The following NCAPG2 variants were observed in gnomAD, a reference collection of about 807,000 sequenced individuals.
The protein encoded by NCAPG2 is non-SMC condensin II complex subunit G2.
Under a neutral mutation model 141.1 loss-of-function variants are expected in NCAPG2, and 53 were observed. The ratio of observed to expected loss-of-function variants is 0.38; its 90% CI spans 0.30 to 0.47. NCAPG2 has a LOEUF of 0.47. NCAPG2 is among the 20% of genes least tolerant of loss of function. NCAPG2 has a pLI of 0.99. For synonymous variants in NCAPG2, 499 were observed against 490.7 expected, an observed-to-expected ratio of 1.02 and a Z score of -0.22; for missense variants, 1,087 against 1,389.0, an observed-to-expected ratio of 0.78 and a Z score of 3.46.
chr7:158,663,385 G>A (rs1436439697), intron 15 of NCAPG2, among the ~76,000 whole-genome samples: 1 of 152,234 alleles, frequency 6.6e-6, no homozygotes, highest in African/African-American at 2.4e-5. Flanking sequence ...TCTATTTCCT[G>A]TATGTTTTTG....
rs1831663873 is a variant in NCAPG2, at chr7:158,653,582, GAT to G, written c.2746+1011_2746+1012del. On this transcript the variant is annotated intron_variant, in intron 22 of 27. Coordinates refer to ENST00000356309, the MANE Select transcript of NCAPG2 (RefSeq NM_017760.7). Reference sequence around the variant, plus strand: ...CTTCAGTTGCAACGTCATGAAGACAGATACACTGGGGGTGTCCACACACACAG... The same window carrying G: ...CTTCAGTTGCAACGTCATGAAGACAGACACTGGGGGTGTCCACACACACAG... Among the ~76,000 whole-genome samples the G allele has an allele frequency of 2.0e-5, 3 of 152,266 alleles. No homozygotes were observed. The South Asian group carries it at 6.2e-4, about 32-fold the overall frequency.
In NCAPG2 at chr7:158,675,531, A is replaced by G. The variant is rs773705324; in HGVS notation, c.1272T>C (p.Thr424=). The change falls in exon 12 of 28, where the codon ACT becomes ACC. Residue 424 remains threonine (T), a synonymous_variant. Transcript: ENST00000356309. The stretch of plus-strand genomic sequence containing the variant: ...AGCTCGTGTCAAATGCCAGTTCCCC[A>G]GTCACCTTCTTCAGGAGGTCAATAA... ...TILIDLLKKV[T]GELAFDTSSA... is the part of the protein sequence containing the mutation. 1.2e-6 allele frequency: 2 copies of G among 1,613,196 alleles called. No homozygotes were observed. Among genetic ancestry groups the G allele is most frequent in the Non-Finnish European group, 1.7e-6 (2 of 1,179,844 alleles).
intron 21 of NCAPG2, 91 bp from the exon 22 acceptor site, chr7:158,654,785 G>A: frequency 6.7e-7 from 1 of 1,489,636 alleles, no homozygotes; most frequent in Non-Finnish European, 8.9e-7. Flanking sequence ...CCATGTGCTA[G>A]TTATCTTATA....
At chr7:158,658,021 G>GC (rs1832145161) in intron 17 of NCAPG2, among the ~76,000 whole-genome samples, 1 of 151,940 alleles carries the variant, frequency 6.6e-6, no homozygotes, top group African/African-American at 2.4e-5. Context: ...GCTGCGGAAG[G>GC]CCGCAGGGTC....
At chr7:158,685,766 G>A (rs950207301) in intron 8 of NCAPG2, among the ~76,000 whole-genome samples, 1 of 152,102 alleles carries the variant, frequency 6.6e-6, no homozygotes, top group Non-Finnish European at 1.5e-5. Flanking sequence ...ACCACATTTC[G>A]CCTAATACAT....
Position 158,655,109 on chromosome 7 carries a change from A to T in NCAPG2, c.2646+9T>A. 2 of 1,593,756 alleles carry T rather than the reference A, an allele frequency of 1.3e-6. No homozygotes were observed. Among genetic ancestry groups the T allele is most frequent in the Non-Finnish European group, 1.7e-6 (2 of 1,174,128 alleles). ...AAGAGAAAGTTTTCTGTGTCTTAAG[A>T]CTTCTAACCTGGATAATTTGCTGAT... On this transcript the variant is annotated intron_variant, in intron 21 of 27. Coordinates refer to ENST00000356309, the MANE Select transcript of NCAPG2 (RefSeq NM_017760.7).
intron 27 of NCAPG2, among the ~76,000 whole-genome samples, chr7:158,636,668 C>T (rs1830222082): frequency 6.6e-6 from 1 of 152,158 alleles, no homozygotes; most frequent in South Asian, 2.1e-4. Context: ...TCCCAAAGTG[C>T]TGGGATTACA....
chr7:158,635,011 A>G (rs1323469213), intron 27 of NCAPG2, among the ~76,000 whole-genome samples: 1 of 152,218 alleles, frequency 6.6e-6, no homozygotes. Flanking sequence ...GTCAAACACG[A>G]GGACTCAAAA....
At chr7:158,658,748 AAAC>A (rs1350274733) in intron 16 of NCAPG2, among the ~76,000 whole-genome samples, 1 of 152,240 alleles carries the variant, frequency 6.6e-6, no homozygotes, top group Non-Finnish European at 1.5e-5. Flanking sequence ...CTACTTTAAA[AAAC>A]AACACTGATG....
Position 158,652,395 on chromosome 7 carries a change from AT to A in NCAPG2, c.2831del (p.Asp944ValfsTer68). ...TGTCCAACAGCATTGCAACTTCTTCATCTGAATCTGTTTTCTGAATCAAGGA... is the reference window on the plus strand; with the variant it reads ...TGTCCAACAGCATTGCAACTTCTTCACTGAATCTGTTTTCTGAATCAAGGA... ...GSSLIQKTDS[D>X]EEVAMLLDTV... On this transcript the variant is annotated frameshift_variant, in exon 23 of 28. Transcript: ENST00000356309. LOFTEE classifies it high-confidence loss of function. The A allele has an allele frequency of 6.2e-7, 1 of 1,613,642 alleles. No individual in the cohort carries two copies. Among genetic ancestry groups the A allele is most frequent in the South Asian group, 1.1e-5 (1 of 91,008 alleles).
At chr7:158,696,839 C>G (rs947496391) in intron 2 of NCAPG2, among the ~76,000 whole-genome samples, 1 of 152,166 alleles carries the variant, frequency 6.6e-6, no homozygotes, top group Non-Finnish European at 1.5e-5. Context: ...TCTGCATGGC[C>G]CATTTGGATC....
intron 13 of NCAPG2, chr7:158,668,225 T>A (rs1423411712): frequency 7.6e-5 from 12 of 158,008 alleles, no homozygotes; most frequent in Admixed American, 5.1e-4. Context: ...CCTTACCCAC[T>A]ACTGGGTCCC....
At chr7:158,643,041 C>T (rs1296856048) in intron 27 of NCAPG2, among the ~76,000 whole-genome samples, 1 of 152,180 alleles carries the variant, frequency 6.6e-6, no homozygotes, top group Non-Finnish European at 1.5e-5. Flanking sequence ...CAGCTCACTG[C>T]AACCTCCACC....
chr7:158,656,649 T>C lies in NCAPG2; in HGVS notation c.2117A>G (p.Tyr706Cys), dbSNP rs1831999488. ...GCAGAGGCAATCCAACAAAGTGCAG[T>C]AGCTCTTGTCCACAGCGCCCTCCTC... The part of the protein sequence containing the change: ...SREEGAVDKS[Y>C]CTLLDCLCSW... The change falls in exon 18 of 28, where the codon TAC (tyrosine) becomes TGC (cysteine). Residue 706 changes from tyrosine to cysteine, a missense_variant. Physicochemically the swap from Tyr to Cys is radical, Grantham distance 194 (BLOSUM62 -2). Transcript: ENST00000356309. The C allele has an allele frequency of 1.9e-6, 3 of 1,614,116 alleles. No homozygotes were observed. The highest frequency in any genetic ancestry group is 2.5e-6 in the Non-Finnish European group (3 of 1,180,030).
intron 16 of NCAPG2, 150 bp downstream of exon 16, chr7:158,662,044 C>A: frequency 1.4e-6 from 1 of 709,682 alleles, no homozygotes; most frequent in Non-Finnish European, 2.1e-6. Flanking sequence ...CAGAAAGAAA[C>A]TATACTGCAA....
chr7:158,675,465 A>T lies in NCAPG2; in HGVS notation c.1326+12T>A, dbSNP rs747152340. 10 of 1,562,948 alleles carry T rather than the reference A, an allele frequency of 6.4e-6. No individual in the cohort carries two copies. Among genetic ancestry groups the T allele is most frequent in the East Asian group, 2.3e-5 (1 of 44,134 alleles). On this transcript the variant is annotated intron_variant, in intron 12 of 27. Coordinates refer to ENST00000356309, the MANE Select transcript of NCAPG2 (RefSeq NM_017760.7). ...CAAATAAACATTACTTACATAATTT[A>T]AAAAATCTTACCTTAAAGACAGAAC...
chr7:158,634,111 A>G (rs1830041907), intron 27 of NCAPG2, among the ~76,000 whole-genome samples: 1 of 152,194 alleles, frequency 6.6e-6, no homozygotes. Context: ...AAAATACTTT[A>G]GAGAAAAATG....
At chr7:158,695,112 G>C (rs1176053683) in intron 2 of NCAPG2, among the ~76,000 whole-genome samples, 1 of 152,120 alleles carries the variant, frequency 6.6e-6, no homozygotes, top group Non-Finnish European at 1.5e-5. Context: ...GACAGTTTTG[G>C]TGCTGGGGTC....
intron 27 of NCAPG2, among the ~76,000 whole-genome samples, chr7:158,639,523 CA>C (rs1375283313): frequency 2.6e-5 from 4 of 152,152 alleles, no homozygotes; most frequent in African/African-American, 9.7e-5. Flanking sequence ...ACAAAAACCA[CA>C]AGCCATTTTG....
Sources: gnomAD v4.1 joint callset for allele counts (sites outside exome capture counted in the v4.1 genomes callset) on GRCh38, gnomAD v4.1.1 for gene constraint, MANE v1.5 for transcripts, NCBI Gene and HGNC (gene_info 2026-07-23, HGNC 2026-07-21) for gene names.